The following SLIT2 variants were observed in gnomAD, a reference collection of about 807,000 sequenced individuals.
SLIT2 encodes the protein slit guidance ligand 2, also known as slit homolog 2 protein.
In SLIT2, 41 loss-of-function variants were observed where a neutral mutation model predicts 185.7. The observed-to-expected ratio is 0.22, with a 90% CI of 0.17 to 0.29. The LOEUF (loss-of-function observed/expected upper bound fraction) is 0.29. SLIT2 is among the 10% of genes least tolerant of loss of function. The pLI is 1.00. For missense variants in SLIT2, 1,571 were observed against 1,909.0 expected, an observed-to-expected ratio of 0.82 and a Z score of 3.30; for synonymous variants, 693 against 680.2, an observed-to-expected ratio of 1.02 and a Z score of -0.29.
chr4:20,470,258 A>T (rs1320262777), intron 5 of SLIT2, among the ~76,000 whole-genome samples: 2 of 152,172 alleles, frequency 1.3e-5, no homozygotes, highest in Non-Finnish European at 2.9e-5. Flanking sequence ...ACATGAAATG[A>T]TTAGCAATAT....
At position 20,596,538 on chromosome 4, in the gene SLIT2, G is replaced by C; in HGVS notation, c.3444G>C (p.Leu1148Phe). ...VRINEPICQC[L>F]PGYQGEKCEK... is the part of the protein sequence containing the mutation. ...TAAATGAGCCAATATGTCAGTGTTTGCCTGGCTATCAGGGAGAAAAGTGTG... is the reference window on the plus strand; with the variant it reads ...TAAATGAGCCAATATGTCAGTGTTTCCCTGGCTATCAGGGAGAAAAGTGTG... The change falls in exon 32 of 37, where the codon TTG (leucine) becomes TTC (phenylalanine). Residue 1148 changes from leucine to phenylalanine, a missense_variant. By Grantham distance (22) the Leu-to-Phe change is conservative. Coordinates refer to ENST00000504154, the MANE Select transcript of SLIT2 (RefSeq NM_004787.4). 2 of 1,614,086 alleles carry C rather than the reference G, an allele frequency of 1.2e-6. No homozygotes were observed. Among genetic ancestry groups the C allele is most frequent in the Non-Finnish European group, 1.7e-6 (2 of 1,179,980 alleles).
intron 4 of SLIT2, among the ~76,000 whole-genome samples, chr4:20,425,753 G>A (rs886959509): frequency 2.6e-5 from 4 of 152,166 alleles, no homozygotes; most frequent in African/African-American, 9.7e-5. Context: ...AAAGTTAACA[G>A]ATTTTATATG....
intron 23 of SLIT2, 143 bp downstream of exon 23, chr4:20,548,702 C>A: frequency 1.6e-6 from 1 of 631,106 alleles, no homozygotes; most frequent in Non-Finnish European, 2.9e-6. Flanking sequence ...AACCACGATA[C>A]GTGAACAATG....
At chr4:20,289,036 T>C (rs1462800570) in intron 4 of SLIT2, among the ~76,000 whole-genome samples, 1 of 150,478 alleles carries the variant, frequency 6.6e-6, no homozygotes, top group African/African-American at 2.5e-5. Context: ...CTCTAGACTT[T>C]TGCATGGTTG....
At chr4:20,617,300 G>T (rs1385727380) in intron 35 of SLIT2, 102 bp downstream of exon 35, 1 of 783,646 alleles carries the variant, frequency 1.3e-6, no homozygotes, top group Non-Finnish European at 2.0e-6. Context: ...GAAGGGAGGG[G>T]AGGGGAGGGG....
intron 31 of SLIT2, 76 bp downstream of exon 31, chr4:20,595,910 T>C (rs867222680): frequency 1.3e-5 from 16 of 1,232,560 alleles, no homozygotes; most frequent in African/African-American, 1.1e-4. Flanking sequence ...AGTAATAGTG[T>C]AATCGTACAT....
intron 4 of SLIT2, among the ~76,000 whole-genome samples, chr4:20,403,202 C>T (rs949365166): frequency 6.6e-6 from 1 of 151,680 alleles, no homozygotes; most frequent in African/African-American, 2.4e-5. Context: ...AATCCAAGTG[C>T]CATCAAATGA....
At chr4:20,491,653 A>T in intron 8 of SLIT2, 108 bp from the exon 9 acceptor site, 1 of 902,206 alleles carries the variant, frequency 1.1e-6, no homozygotes, top group Non-Finnish European at 1.7e-6. Flanking sequence ...TCATGTATTT[A>T]AAGAGATTTA....
intron 26 of SLIT2, chr4:20,554,322 T>C (rs1251556481): frequency 2.2e-6 from 1 of 463,400 alleles, no homozygotes; most frequent in African/African-American, 2.0e-5. Flanking sequence ...GCCAGGGCCC[T>C]GTGGCTTCCT....
In SLIT2 at chr4:20,388,790, A is replaced by ATAT. The variant is rs199914248; in HGVS notation, c.396-78962_396-78961insTAT. 1.1e-3 allele frequency among the ~76,000 whole-genome samples: 147 copies of ATAT among 130,060 alleles called. 1 individual carries two copies. The highest frequency in any genetic ancestry group is 1.7e-3 in the Admixed American group (21 of 12,408). 85.3% of individuals were successfully genotyped at this position (130,060 alleles called of 152,430 possible). A position where few individuals can be genotyped will look rare whatever the true frequency, so the allele number is the denominator to read the frequency against. On this transcript the variant is annotated intron_variant, in intron 4 of 36. Coordinates refer to ENST00000504154, the MANE Select transcript of SLIT2 (RefSeq NM_004787.4). ...CTCCGTCTCAGGGGAAAAAAAAAAA[A>ATAT]AAATATATATATATATAACATATGT...
At chr4:20,308,323 ATC>A (rs1198756612) in intron 4 of SLIT2, among the ~76,000 whole-genome samples, 1 of 152,222 alleles carries the variant, frequency 6.6e-6, no homozygotes, top group Non-Finnish European at 1.5e-5. Context: ...TCATTATGGA[ATC>A]TCTGGAGTGC....
intron 30 of SLIT2, among the ~76,000 whole-genome samples, chr4:20,591,911 T>C (rs889976996): frequency 6.6e-6 from 1 of 152,096 alleles, no homozygotes; most frequent in African/African-American, 2.4e-5. Flanking sequence ...CCTCTCGCCA[T>C]CAAATAAATT....
chr4:20,562,795 A>G (rs1724802647), intron 26 of SLIT2, among the ~76,000 whole-genome samples: 1 of 151,918 alleles, frequency 6.6e-6, no homozygotes, highest in African/African-American at 2.4e-5. Context: ...ATTATACCCA[A>G]CATCAAATAT....
At chr4:20,342,388 G>A (rs1721028905) in intron 4 of SLIT2, among the ~76,000 whole-genome samples, 1 of 152,040 alleles carries the variant, frequency 6.6e-6, no homozygotes, top group Non-Finnish European at 1.5e-5. Context: ...GTTTATTTGA[G>A]TGTTGATATC....
intron 4 of SLIT2, among the ~76,000 whole-genome samples, chr4:20,385,873 A>G (rs191452292): frequency 1.3e-5 from 2 of 152,274 alleles, no homozygotes; most frequent in Admixed American, 1.3e-4. Context: ...TTCTTCTGCA[A>G]ATTTTGCTTA....
At chr4:20,518,124 TA>T (rs1560494280) in intron 11 of SLIT2, among the ~76,000 whole-genome samples, 7 of 141,346 alleles carry the variant, frequency 5.0e-5, no homozygotes, top group Admixed American at 2.9e-4. Context: ...TATACATATA[TA>T]TACATATACA....
chr4:20,258,141 A>T (rs2109009679), intron 3 of SLIT2, among the ~76,000 whole-genome samples: 1 of 152,018 alleles, frequency 6.6e-6, no homozygotes, highest in South Asian at 2.1e-4. Context: ...AAGCTCAAAA[A>T]TACAGTTACT....
chr4:20,490,820 T>A, intron 8 of SLIT2: 6 of 1,520,134 alleles, frequency 3.9e-6, no homozygotes, highest in Non-Finnish European at 5.3e-6. Flanking sequence ...AGAAGGCAAG[T>A]TCACATTTCT....
Position 20,252,394 on chromosome 4 carries a change from AG to A in SLIT2, c.-1421del, listed in dbSNP as rs1722110817. On this transcript the variant is annotated 5_prime_UTR_variant, in exon 1 of 37. Transcript: ENST00000504154. The stretch of plus-strand genomic sequence containing the variant: ...AGCGGGAGGCCAGGAAAGCAGCGGG[AG>A]AGGGGAAGGGGCTAGAAGGAGAAGG... 6.6e-6 allele frequency among the ~76,000 whole-genome samples: 1 copy of A among 151,894 alleles called. No individual in the cohort carries two copies. Among genetic ancestry groups the A allele is most frequent in the East Asian group, 1.9e-4 (1 of 5,134 alleles).
Sources: gnomAD v4.1 joint callset for allele counts (sites outside exome capture counted in the v4.1 genomes callset) on GRCh38, gnomAD v4.1.1 for gene constraint, MANE v1.5 for transcripts, NCBI Gene and HGNC (gene_info 2026-07-23, HGNC 2026-07-21) for gene names.